ADTRP: variants seen among roughly 807,000 people sequenced by gnomAD.
The protein encoded by ADTRP is androgen dependent TFPI regulating protein.
A neutral mutation model predicts 27.0 loss-of-function variants in ADTRP; 20 were observed. The ratio of observed to expected loss-of-function variants is 0.74; its 90% CI spans 0.52 to 1.08. ADTRP has a LOEUF of 1.08. ADTRP is among the 50% of genes least tolerant of loss of function. The pLI is 0.00. For missense variants in ADTRP, 251 were observed against 275.0 expected (o/e 0.91, Z 0.62); for synonymous variants, 101 against 105.2 (o/e 0.96, Z 0.25).
At chr6:11,767,526 G>A (rs1340184355) in intron 2 of ADTRP, 1 of 152,266 alleles carries the variant, frequency 6.6e-6, no homozygotes, top group Non-Finnish European at 1.5e-5. Context: ...ACAGGTAGAA[G>A]AAGGTAGTCA....
intron 3 of ADTRP, among the ~76,000 whole-genome samples, chr6:11,739,592 A>G (rs796781040): frequency 2.3e-4 from 35 of 152,326 alleles, no homozygotes; most frequent in African/African-American, 7.7e-4. Flanking sequence ...GATGATAAGT[A>G]CTAAGATTTA....
At chr6:11,752,895 A>G (rs1213632586) in intron 3 of ADTRP, among the ~76,000 whole-genome samples, 8 of 152,238 alleles carry the variant, frequency 5.3e-5, no homozygotes, top group Non-Finnish European at 7.3e-5. Context: ...GGTGATTCCA[A>G]GTCAATAACG....
intron 1 of ADTRP, 127 bp from the exon 2 acceptor site, chr6:11,768,510 G>A: frequency 8.0e-7 from 1 of 1,250,040 alleles, no homozygotes; most frequent in Non-Finnish European, 1.1e-6. Flanking sequence ...GGGTTGTTTT[G>A]GTTGAGAGCC....
At chr6:11,748,574 A>G (rs573537796) in intron 3 of ADTRP, among the ~76,000 whole-genome samples, 2 of 152,338 alleles carry the variant, frequency 1.3e-5, no homozygotes, top group Admixed American at 1.3e-4. Context: ...GCAAGTAGGG[A>G]AACAGATACC....
At chr6:11,756,931 G>A (rs1470483533) in intron 3 of ADTRP, among the ~76,000 whole-genome samples, 1 of 152,176 alleles carries the variant, frequency 6.6e-6, no homozygotes, top group Non-Finnish European at 1.5e-5. Context: ...ATGTCTCCAG[G>A]AAGCAACACA....
intron 3 of ADTRP, among the ~76,000 whole-genome samples, chr6:11,765,174 G>A (rs1763522958): frequency 6.6e-6 from 1 of 152,066 alleles, no homozygotes; most frequent in Admixed American, 6.5e-5. Flanking sequence ...CAGGGGCAGT[G>A]TTAGTGGACT....
chr6:11,744,579 T>C (rs1294387640), intron 3 of ADTRP, among the ~76,000 whole-genome samples: 1 of 152,186 alleles, frequency 6.6e-6, no homozygotes, highest in Non-Finnish European at 1.5e-5. Flanking sequence ...GGCTCTACAT[T>C]CTGAGATGGG....
In ADTRP at chr6:11,723,351, C is replaced by T. The variant is rs772793711; in HGVS notation, c.656G>A (p.Trp219Ter). 3 of 1,614,062 alleles carry T rather than the reference C, an allele frequency of 1.9e-6. No homozygotes were observed. The highest frequency in any genetic ancestry group is 1.7e-5 in the Admixed American group (1 of 60,010). Residue 219 changes from tryptophan (W) to a stop codon, truncating the protein, a stop_gained and splice_region_variant, in exon 5 of 6, where the codon TGG becomes TAG. Coordinates refer to ENST00000414691, the MANE Select transcript of ADTRP (RefSeq NM_032744.4). LOFTEE classifies it high-confidence loss of function. ...AGCTAAGAAAGAAATACACTGACCCCATTTCCAGTGGTTGAGCTTCTCTCC... is the reference window on the plus strand; with the variant it reads ...AGCTAAGAAAGAAATACACTGACCCTATTTCCAGTGGTTGAGCTTCTCTCC... ...LLGEKLNHWKWGDMRQPRKKR... is the reference protein window; with the variant it reads ...LLGEKLNHWK
At chr6:11,757,968 GC>G (rs1316259168) in intron 3 of ADTRP, among the ~76,000 whole-genome samples, 1 of 152,152 alleles carries the variant, frequency 6.6e-6, no homozygotes, top group East Asian at 1.9e-4. Context: ...TACTCATGGT[GC>G]CCTGAGCCTG....
Position 11,738,197 on chromosome 6 carries a change from C to T in ADTRP, c.391-2514G>A, listed in dbSNP as rs568518335. On this transcript the variant is annotated intron_variant, in intron 3 of 5. Transcript: ENST00000414691. ...TCATCGGTGGGCCCAGGGTGGGGTG[C>T]AAGCAAGGGCCTGGGATATCCATGG... 1.2e-4 allele frequency among the ~76,000 whole-genome samples: 19 copies of T among 152,142 alleles called. No homozygotes were observed. In the South Asian group the frequency reaches 3.7e-3, roughly 30 times the overall value.
chr6:11,717,257 C>A (rs892558590), intron 5 of ADTRP: 1 of 1,294,526 alleles, frequency 7.7e-7, no homozygotes, highest in Non-Finnish European at 1.0e-6. Context: ...CCTTTAACTG[C>A]TGTCAGATAG....
chr6:11,732,352 T>C (rs999816095), intron 4 of ADTRP, among the ~76,000 whole-genome samples: 1 of 152,222 alleles, frequency 6.6e-6, no homozygotes, highest in African/African-American at 2.4e-5. Context: ...ATTCGTGTTA[T>C]GCCATTTCCC....
intron 5 of ADTRP, among the ~76,000 whole-genome samples, chr6:11,716,469 C>T (rs1387579293): frequency 6.6e-6 from 1 of 152,052 alleles, no homozygotes; most frequent in Non-Finnish European, 1.5e-5. Context: ...CTCAGAAATG[C>T]CCACATACCC....
At chr6:11,765,588 A>G (rs1186756381) in intron 3 of ADTRP, among the ~76,000 whole-genome samples, 1 of 152,018 alleles carries the variant, frequency 6.6e-6, no homozygotes, top group Admixed American at 6.6e-5. Context: ...AGTATTGAGA[A>G]GCTGAGTTAG....
chr6:11,767,072 T>C (rs1263722792), intron 2 of ADTRP, among the ~76,000 whole-genome samples: 1 of 152,262 alleles, frequency 6.6e-6, no homozygotes, highest in Non-Finnish European at 1.5e-5. Context: ...TCACTGTTGA[T>C]TTTAAAAACT....
intron 4 of ADTRP, among the ~76,000 whole-genome samples, chr6:11,730,592 TATTTGTAAATGAGGCATGA>T (rs1762352597): frequency 6.6e-6 from 1 of 152,246 alleles, no homozygotes; most frequent in African/African-American, 2.4e-5. Flanking sequence ...TGTGTACATG[TATTTGTAAATGAGGCATGA>T]ATTTAAAGAA....
intron 5 of ADTRP, among the ~76,000 whole-genome samples, chr6:11,719,876 T>C (rs1761960014): frequency 8.0e-6 from 1 of 124,998 alleles, no homozygotes. Flanking sequence ...GAGAATAAGA[T>C]GACCAGCAGC....
chr6:11,776,797 T>C (rs1289972696), intron 1 of ADTRP, among the ~76,000 whole-genome samples: 1 of 152,248 alleles, frequency 6.6e-6, no homozygotes, highest in East Asian at 1.9e-4. Flanking sequence ...GAAAGGCTGG[T>C]TGGGCAGGTG....
chr6:11,721,540 A>G (rs1018720897), intron 5 of ADTRP, among the ~76,000 whole-genome samples: 5 of 152,384 alleles, frequency 3.3e-5, no homozygotes, highest in South Asian at 2.1e-4. Flanking sequence ...TTTATAATTA[A>G]TAAAGATCTG....
Sources: allele counts gnomAD v4.1 joint callset (sites outside exome capture counted in the v4.1 genomes callset), GRCh38; gene constraint gnomAD v4.1.1; transcripts MANE v1.5; gene names NCBI Gene and HGNC (gene_info 2026-07-23, HGNC 2026-07-21).